Variants in SLC27A1 observed in about 807,000 individuals in gnomAD.
SLC27A1 encodes the protein long-chain fatty acid transport protein 1.
A neutral mutation model predicts 62.2 loss-of-function variants in SLC27A1; 61 were observed. That is an observed-to-expected ratio of 0.98 (90% CI 0.80 to 1.21). SLC27A1 has a LOEUF of 1.21. Ranked by LOEUF, SLC27A1 falls within the 50% of genes most tolerant of loss-of-function variation. The pLI, the probability that SLC27A1 is intolerant of heterozygous loss-of-function variation, is 0.00. For missense variants in SLC27A1, 903 were observed against 932.1 expected, an observed-to-expected ratio of 0.97 and a Z score of 0.41; for synonymous variants, 435 against 408.6, an observed-to-expected ratio of 1.06 and a Z score of -0.78.
chr19:17,478,108 C>T (rs918304597), intron 1 of SLC27A1, among the ~76,000 whole-genome samples: 1 of 152,126 alleles, frequency 6.6e-6, no homozygotes, highest in Non-Finnish European at 1.5e-5. Context: ...AGGCACATCA[C>T]ACCAGACAAG....
intron 1 of SLC27A1, among the ~76,000 whole-genome samples, chr19:17,475,857 G>A (rs775921877): frequency 6.6e-6 from 1 of 152,218 alleles, no homozygotes; most frequent in Non-Finnish European, 1.5e-5. Context: ...TCCCCAGGCT[G>A]GGGGTGGCTT....
rs55890614 is a variant in SLC27A1, at chr19:17,485,209, T to TTTTG, written c.168-1354_168-1353insTTTG. ...TTGTTTCCTTTTTTTTTTTTTTTTT[T>TTTTG]GATGGAGTCTTGCTCTTTGGCCCAG... On this transcript the variant is annotated intron_variant, in intron 1 of 11. Transcript: ENST00000252595. Among the ~76,000 whole-genome samples, 755 of 143,710 alleles carry TTTTG rather than the reference T, an allele frequency of 5.3e-3. 7 individuals are homozygous for TTTTG. The highest frequency in any genetic ancestry group is 7.2e-3 in the Middle Eastern group (2 of 276). The allele number at this position is 143,710 out of a possible 152,430, so 94.3% of individuals were successfully genotyped here. A position where few individuals can be genotyped will look rare whatever the true frequency, so the allele number is the denominator to read the frequency against.
At chr19:17,487,361 C>G in intron 3 of SLC27A1, 26 bp downstream of exon 3, 1 of 1,589,572 alleles carries the variant, frequency 6.3e-7, no homozygotes, top group Non-Finnish European at 8.6e-7. Context: ...GACCCCTGCT[C>G]TATCAACTGG....
At chr19:17,485,005 C>G (rs2075214528) in intron 1 of SLC27A1, among the ~76,000 whole-genome samples, 1 of 152,060 alleles carries the variant, frequency 6.6e-6, no homozygotes. Context: ...AAACACACCC[C>G]ACATTCCAGT....
intron 1 of SLC27A1, among the ~76,000 whole-genome samples, chr19:17,472,079 A>G (rs1243955121): frequency 6.6e-6 from 1 of 152,178 alleles, no homozygotes; most frequent in Non-Finnish European, 1.5e-5. Context: ...ACCCTCCCAT[A>G]GCTCCTTGTT....
At position 17,486,859 on chromosome 19, in the gene SLC27A1, C is replaced by A. The variant is rs1485558386; in HGVS notation, c.464C>A (p.Ala155Asp). 1 of 1,585,106 alleles carries A rather than the reference C, an allele frequency of 6.3e-7. No homozygotes were observed. The highest frequency in any genetic ancestry group is 1.1e-5 in the South Asian group (1 of 89,012). ...GGCCTGGCCAAGGCGGGCATGGAGG[C>A]CGCGCTGCTCAACGTGAACCTGCGG... Reference protein sequence around the residue: ...WLGLAKAGMEAALLNVNLRRE... With the variant: ...WLGLAKAGMEDALLNVNLRRE... Residue 155 changes from alanine to aspartate, a missense_variant, in exon 2 of 12, where the codon GCC (alanine) becomes GAC (aspartate). Physicochemically the swap from Ala to Asp is moderately radical, Grantham distance 126. Transcript: ENST00000252595. The surrounding 1 kb of genome is among the most constrained non-coding windows in gnomAD (Gnocchi z 6.6).
At position 17,486,841 on chromosome 19, in the gene SLC27A1, C is replaced by T. The variant is rs1304398294; in HGVS notation, c.446C>T (p.Ala149Val). 5 of 1,588,432 alleles carry T rather than the reference C, an allele frequency of 3.1e-6. No homozygotes were observed. The highest frequency in any genetic ancestry group is 1.7e-5 in the Admixed American group (1 of 57,210). The change falls in exon 2 of 12, where the codon GCC becomes GTC. Residue 149 changes from alanine to valine, a missense_variant. By Grantham distance (64) the Ala-to-Val change is moderately conservative (BLOSUM62 0). Transcript: ENST00000252595. This position sits in a 1 kb window ranked among gnomAD's most constrained non-coding sequence, Gnocchi z 6.6. ...PEFVGLWLGL[A>V]KAGMEAALLN... ...TTCGTGGGGCTGTGGCTGGGCCTGG[C>T]CAAGGCGGGCATGGAGGCCGCGCTG...
At chr19:17,482,957 A>C (rs995555335) in intron 1 of SLC27A1, among the ~76,000 whole-genome samples, 4 of 149,246 alleles carry the variant, frequency 2.7e-5, no homozygotes, top group African/African-American at 7.8e-5. Flanking sequence ...GCGTGCTCAC[A>C]ATGCCAATGA....
intron 1 of SLC27A1, among the ~76,000 whole-genome samples, chr19:17,475,225 C>T (rs2075111708): frequency 6.6e-6 from 1 of 152,186 alleles, no homozygotes; most frequent in Admixed American, 6.6e-5. Flanking sequence ...TAGTGACTCC[C>T]TTCTAATGAG....
At chr19:17,487,012 G>A in intron 2 of SLC27A1, 55 bp downstream of exon 2, 3 of 1,537,316 alleles carry the variant, frequency 2.0e-6, no homozygotes, top group Non-Finnish European at 2.6e-6. Flanking sequence ...GCCCCTGGGC[G>A]GGCGGGGAGA....
intron 1 of SLC27A1, among the ~76,000 whole-genome samples, chr19:17,481,855 A>G (rs966654138): frequency 4.6e-5 from 7 of 152,138 alleles, no homozygotes; most frequent in African/African-American, 1.7e-4. Flanking sequence ...GGAACTCTCC[A>G]GTTGGAGATG....
Position 17,497,269 on chromosome 19 carries a change from C to T in SLC27A1, c.1011C>T (p.Ile337=), listed in dbSNP as rs147411222. ...CCGTCCCCCAGGTGGTTCAGTACATCGGGGAGATCTGCCGCTACCTGCTGA... is the reference window on the plus strand; with the variant it reads ...CCGTCCCCCAGGTGGTTCAGTACATTGGGGAGATCTGCCGCTACCTGCTGA... The part of the protein sequence containing the change: ...IKYNCTVVQY[I]GEICRYLLKQ... Residue 337 remains isoleucine, a synonymous_variant, in exon 7 of 12, where the codon ATC becomes ATT. Coordinates refer to ENST00000252595, the MANE Select transcript of SLC27A1 (RefSeq NM_198580.3). 5.0e-6 allele frequency: 8 copies of T among 1,603,632 alleles called. No homozygotes were observed. Among genetic ancestry groups the T allele is most frequent in the Non-Finnish European group, 5.9e-6 (7 of 1,177,030 alleles).
intron 1 of SLC27A1, among the ~76,000 whole-genome samples, chr19:17,481,807 G>A (rs145238026): frequency 3.1e-4 from 47 of 152,212 alleles, no homozygotes; most frequent in African/African-American, 1.0e-3. Flanking sequence ...ATGCCTGCAC[G>A]GCTGATTGAC....
rs1359083454 is a variant in SLC27A1 at position 17,486,666 on chromosome 19, G to A, written c.271G>A (p.Glu91Lys). 1.2e-6 allele frequency: 2 copies of A among 1,609,236 alleles called. No individual in the cohort carries two copies. The highest frequency in any genetic ancestry group is 1.3e-5 in the African/African-American group (1 of 75,060). ...TCAGGCGGTAGTGCAGCGACAGCCC[G>A]AGCGCCTGGCGCTGGTGGATGCCGG... ...IFQAVVQRQP[E>K]RLALVDAGTG... Residue 91 changes from glutamate (E) to lysine (K), a missense_variant, in exon 2 of 12, where the codon GAG becomes AAG. Glu to Lys is a moderately conservative substitution (Grantham distance 56). Coordinates refer to ENST00000252595, the MANE Select transcript of SLC27A1 (RefSeq NM_198580.3). This position sits in a 1 kb window ranked among gnomAD's most constrained non-coding sequence, Gnocchi z 6.6.
At position 17,497,404 on chromosome 19, in the gene SLC27A1, A is replaced by C. The variant is rs750534253; in HGVS notation, c.1146A>C (p.Gln382His). The C allele has an allele frequency of 6.2e-7, 1 of 1,604,362 alleles. No individual in the cohort carries two copies. Among genetic ancestry groups the C allele is most frequent in the Non-Finnish European group, 8.5e-7 (1 of 1,176,996 alleles). ...EEFTERFGVR[Q>H]IGEFYGATEC... ...TCACGGAGCGCTTCGGCGTACGCCA[A>C]ATCGGGGAGTTCTACGGCGCCACCG... is the stretch of plus-strand genomic sequence containing the variant. The change falls in exon 7 of 12, where the codon CAA becomes CAC. Residue 382 changes from glutamine to histidine, a missense_variant. Transcript: ENST00000252595.
intron 1 of SLC27A1, among the ~76,000 whole-genome samples, chr19:17,471,071 G>C (rs2075071856): frequency 6.6e-6 from 1 of 151,184 alleles, no homozygotes; most frequent in African/African-American, 2.4e-5. Flanking sequence ...CTGGAAATCC[G>C]TGGCGGTGTG....
chr19:17,482,317 G>A (rs552131605), intron 1 of SLC27A1, among the ~76,000 whole-genome samples: 12 of 152,274 alleles, frequency 7.9e-5, no homozygotes, highest in South Asian at 2.1e-4. Context: ...TCAGGAGCTT[G>A]AGACCAGCCT....
intron 4 of SLC27A1, among the ~76,000 whole-genome samples, chr19:17,487,987 C>G (rs1206697064): frequency 6.6e-6 from 1 of 152,106 alleles, no homozygotes; most frequent in Non-Finnish European, 1.5e-5. Context: ...CTGTCAGCAG[C>G]TACAGGAGGT....
chr19:17,488,133 C>T (rs968092647), intron 4 of SLC27A1, among the ~76,000 whole-genome samples: 2 of 152,124 alleles, frequency 1.3e-5, no homozygotes, highest in African/African-American at 2.4e-5. Flanking sequence ...CTGAGGCAGG[C>T]GGGTCACTTG....
Sources: allele counts gnomAD v4.1 joint callset (sites outside exome capture counted in the v4.1 genomes callset), GRCh38; gene constraint gnomAD v4.1.1; non-coding constraint Gnocchi (gnomAD v3.1); transcripts MANE v1.5; gene names NCBI Gene and HGNC (gene_info 2026-07-23, HGNC 2026-07-21).